HGSNAT: variants seen among roughly 807,000 people sequenced by gnomAD.
HGSNAT encodes the protein transmembrane protein 76.
Under a neutral mutation model 85.2 loss-of-function variants are expected in HGSNAT, and 59 were observed. The observed-to-expected ratio is 0.69, with a 90% CI of 0.56 to 0.86. The LOEUF is 0.86. Among genes scored for constraint, HGSNAT ranks in the 40% least tolerant of loss-of-function variants. HGSNAT has a pLI of 0.00. For missense variants in HGSNAT, 756 were observed against 777.1 expected, an observed-to-expected ratio of 0.97 and a Z score of 0.32; for synonymous variants, 321 against 304.5, an observed-to-expected ratio of 1.05 and a Z score of -0.56.
Position 43,182,206 on chromosome 8 carries a change from G to A in HGSNAT, c.1074G>A (p.Val358=). The A allele has an allele frequency of 6.2e-7, 1 of 1,614,028 alleles. No homozygotes were observed. The highest frequency in any genetic ancestry group is 1.6e-4 in the Middle Eastern group (1 of 6,062). Residue 358 remains valine, a synonymous_variant, in exon 11 of 18, where the codon GTG becomes GTA. Coordinates refer to ENST00000379644, the MANE Select transcript of HGSNAT (RefSeq NM_152419.3). ...VLQRLGVTYF[V]VAVLELLFAK... The stretch of plus-strand genomic sequence containing the variant: ...AGCGATTGGGAGTGACATACTTTGT[G>A]GTTGCTGTGTTGGAGCTCCTCTTTG...
At chr8:43,198,024 C>G in intron 17 of HGSNAT, 72 bp downstream of exon 17, 1 of 1,102,976 alleles carries the variant, frequency 9.1e-7, no homozygotes, top group South Asian at 1.4e-5. Flanking sequence ...TCTGGAGCAT[C>G]CTTGGTGCTG....
Position 43,177,340 on chromosome 8 carries a change from G to A in HGSNAT, c.852-734G>A, listed in dbSNP as rs187010565. The stretch of plus-strand genomic sequence containing the variant: ...GCCGAGGCGGGCGGATCACAAGGTC[G>A]GGAGATTGAGACCATCCTGGCTAAC... On this transcript the variant is annotated intron_variant, in intron 9 of 17. Coordinates refer to ENST00000379644, the MANE Select transcript of HGSNAT (RefSeq NM_152419.3). Among the ~76,000 whole-genome samples the A allele has an allele frequency of 5.9e-5, 9 of 151,622 alleles. No individual in the cohort carries two copies. The East Asian group carries it at 1.2e-3, about 20-fold the overall frequency.
chr8:43,149,511 G>A (rs935703320), intron 2 of HGSNAT, among the ~76,000 whole-genome samples: 43 of 152,028 alleles, frequency 2.8e-4, no homozygotes, highest in Non-Finnish European at 3.8e-4. Flanking sequence ...ATCCTGGCTA[G>A]CACCGTGAAA....
intron 11 of HGSNAT, among the ~76,000 whole-genome samples, chr8:43,184,746 C>G (rs948939934): frequency 6.6e-6 from 1 of 152,178 alleles, no homozygotes; most frequent in African/African-American, 2.4e-5. Flanking sequence ...CCTAGGTTTT[C>G]TTCTAGGGTT....
intron 11 of HGSNAT, among the ~76,000 whole-genome samples, chr8:43,183,433 C>G (rs1471720128): frequency 6.6e-6 from 1 of 151,144 alleles, no homozygotes; most frequent in Non-Finnish European, 1.5e-5. Flanking sequence ...TCCCAAAATG[C>G]TAGGACTACA....
intron 11 of HGSNAT, among the ~76,000 whole-genome samples, chr8:43,188,696 T>G (rs2130798619): frequency 6.6e-6 from 1 of 152,316 alleles, no homozygotes; most frequent in South Asian, 2.1e-4. Context: ...GCTGGCGAGG[T>G]GCTGCGTTCC....
At chr8:43,161,865 C>T (rs139063040) in intron 5 of HGSNAT, among the ~76,000 whole-genome samples, 2 of 152,378 alleles carry the variant, frequency 1.3e-5, no homozygotes, top group East Asian at 3.9e-4. Flanking sequence ...CCTTCCCCCT[C>T]TCTGGCCCTG....
At chr8:43,187,224 C>G (rs551253350) in intron 11 of HGSNAT, among the ~76,000 whole-genome samples, 1 of 152,250 alleles carries the variant, frequency 6.6e-6, no homozygotes, top group Non-Finnish European at 1.5e-5. Context: ...ATTGATCTGT[C>G]TAATGTTGAC....
intron 11 of HGSNAT, 135 bp from the exon 12 acceptor site, chr8:43,191,339 C>G (rs956451665): frequency 4.5e-5 from 44 of 985,608 alleles, no homozygotes; most frequent in Non-Finnish European, 4.6e-6. Context: ...GAGAACCTAA[C>G]GTAGTCAGTA....
At chr8:43,146,813 G>C in intron 1 of HGSNAT, 135 bp from the exon 2 acceptor site, 1 of 597,920 alleles carries the variant, frequency 1.7e-6, no homozygotes, top group Non-Finnish European at 2.9e-6. Context: ...ATGTGTGAGA[G>C]ACCCCAGAAA....
chr8:43,180,955 T>G (rs1586738286), intron 10 of HGSNAT, among the ~76,000 whole-genome samples: 3 of 102,400 alleles, frequency 2.9e-5, no homozygotes, highest in Non-Finnish European at 6.1e-5. Flanking sequence ...CAGTCAGGCG[T>G]GGCGGTGCGC....
At chr8:43,187,071 C>G (rs1339709438) in intron 11 of HGSNAT, among the ~76,000 whole-genome samples, 3 of 152,098 alleles carry the variant, frequency 2.0e-5, no homozygotes, top group Admixed American at 2.0e-4. Flanking sequence ...ACTATGTGGT[C>G]AATTTTGGAA....
Position 43,170,568 on chromosome 8 carries a change from TC to T in HGSNAT, c.634-14del. The T allele has an allele frequency of 6.4e-7, 1 of 1,559,878 alleles. No homozygotes were observed. On this transcript the variant is annotated splice_polypyrimidine_tract_variant and intron_variant, in intron 6 of 17. Transcript: ENST00000379644. ...TTAGCATTATGAGTTGTCATCTTTC[TC>T]CCTTTTTTTCTGAAGGAGCTGGGAT...
intron 11 of HGSNAT, among the ~76,000 whole-genome samples, chr8:43,187,856 A>C (rs2130796574): frequency 6.6e-6 from 1 of 152,212 alleles, no homozygotes; most frequent in Non-Finnish European, 1.5e-5. Flanking sequence ...AAAATCTTTC[A>C]GTATTTGTTT....
rs747277724 is a variant in HGSNAT at position 43,146,887 on chromosome 8, C to G, written c.119-61C>G. 6.5e-4 allele frequency: 609 copies of G among 933,356 alleles called. 2 individuals carry two copies. The highest frequency in any genetic ancestry group is 8.6e-4 in the Non-Finnish European group (531 of 614,202). The allele number at this position is 933,356 out of a possible 1,614,324, so 57.8% of individuals were successfully genotyped here. A position where few individuals can be genotyped will look rare whatever the true frequency, so the allele number is the denominator to read the frequency against. Reference sequence around the variant, plus strand: ...AACTGTTCACACGAATGTACTTTGTCTCTAACACATCTTTCGGGTGCCTTT... The same window carrying G: ...AACTGTTCACACGAATGTACTTTGTGTCTAACACATCTTTCGGGTGCCTTT... On this transcript the variant is annotated intron_variant, in intron 1 of 17. Transcript: ENST00000379644.
At chr8:43,181,090 AGG>A (rs1804082208) in intron 10 of HGSNAT, among the ~76,000 whole-genome samples, 1 of 140 alleles carries the variant, frequency 7.1e-3, no homozygotes, top group Non-Finnish European at 0.062. Flanking sequence ...GTGGAGGGAG[AGG>A]GAGAGGGAGA....
At chr8:43,197,331 G>A in intron 15 of HGSNAT, 1 of 529,652 alleles carries the variant, frequency 1.9e-6, no homozygotes, top group Non-Finnish European at 3.4e-6. Flanking sequence ...ATCAGACCAG[G>A]TTGCAGACAT....
At chr8:43,168,651 C>T (rs1803513145) in intron 5 of HGSNAT, among the ~76,000 whole-genome samples, 1 of 152,004 alleles carries the variant, frequency 6.6e-6, no homozygotes, top group Non-Finnish European at 1.5e-5. Flanking sequence ...CCCACCTCGG[C>T]CCCCCAAAGT....
chr8:43,157,695 T>C (rs771167645), intron 2 of HGSNAT, among the ~76,000 whole-genome samples: 8 of 152,086 alleles, frequency 5.3e-5, no homozygotes, highest in Non-Finnish European at 1.2e-4. Context: ...GGAGAATTGC[T>C]TGAGCCTGGG....
Sources: allele counts gnomAD v4.1 joint callset (sites outside exome capture counted in the v4.1 genomes callset), GRCh38; gene constraint gnomAD v4.1.1; transcripts MANE v1.5; gene names NCBI Gene and HGNC (gene_info 2026-07-23, HGNC 2026-07-21).